Variants in SON observed in about 807,000 individuals in gnomAD.
SON encodes the protein protein SON.
SON carries 4 observed loss-of-function variants against 173.3 expected under a neutral mutation model. The ratio of observed to expected loss-of-function variants is 0.02; its 90% CI spans 0.01 to 0.05. The LOEUF is 0.05. SON is among the 10% of genes least tolerant of loss of function. The probability of loss-of-function intolerance (pLI) is 1.00; values close to 1 mark genes in which losing one functional copy is unlikely to be tolerated. For synonymous variants in SON, 1,190 were observed against 1,105.9 expected, an observed-to-expected ratio of 1.08 and a Z score of -1.51; for missense variants, 2,626 against 3,055.3, an observed-to-expected ratio of 0.86 and a Z score of 3.31.
intron 2 of SON, among the ~76,000 whole-genome samples, chr21:33,547,650 A>G (rs2085650859): frequency 6.6e-6 from 1 of 151,532 alleles, no homozygotes; most frequent in Non-Finnish European, 1.5e-5. Flanking sequence ...ATTAATAGAA[A>G]ATGGTAAGTT....
chr21:33,568,143 G>C (rs2086210428), intron 7 of SON, among the ~76,000 whole-genome samples: 3 of 152,182 alleles, frequency 2.0e-5, no homozygotes, highest in Admixed American at 2.0e-4. Context: ...AATGACAGCT[G>C]ATCTTTATCA....
In SON at chr21:33,559,523, A is replaced by G; in HGVS notation, c.6469-64A>G. The stretch of plus-strand genomic sequence containing the variant: ...ATCATTTCCTTCAGATTATGTAGAA[A>G]ATCTCAAACCATTTAATGTAGATAT... On this transcript the variant is annotated intron_variant, in intron 5 of 11. Coordinates refer to ENST00000356577, the MANE Select transcript of SON (RefSeq NM_138927.4). This position sits in a 1 kb window ranked among gnomAD's most constrained non-coding sequence, Gnocchi z 4.1. 3.3e-6 allele frequency: 5 copies of G among 1,505,072 alleles called. No homozygotes were observed. Among genetic ancestry groups the G allele is most frequent in the Non-Finnish European group, 4.5e-6 (5 of 1,113,236 alleles). 93.2% of individuals were successfully genotyped at this position (1,505,072 alleles called of 1,614,324 possible).
rs201414490 is a variant in SON, at chr21:33,551,851, C to G, written c.2620C>G (p.Gln874Glu). ...GTTAGCATCTGGCACTATGGACTCT[C>G]AAATGTTAGCTTCTGGCACCATGGA... ...QMLASGTMDS[Q>E]MLASGTMDAQ... Residue 874 changes from glutamine to glutamate, a missense_variant, in exon 3 of 12, where the codon CAA becomes GAA. Transcript: ENST00000356577. The G allele has an allele frequency of 1.9e-6, 3 of 1,613,976 alleles. No homozygotes were observed. Among genetic ancestry groups the G allele is most frequent in the Admixed American group, 1.7e-5 (1 of 60,030 alleles).
chr21:33,574,236 A>G (rs1452498720), intron 9 of SON, among the ~76,000 whole-genome samples: 1 of 152,238 alleles, frequency 6.6e-6, no homozygotes, highest in Non-Finnish European at 1.5e-5. Flanking sequence ...CCTCATTTAT[A>G]AAAGCTGACA....
intron 3 of SON, among the ~76,000 whole-genome samples, chr21:33,556,669 G>A (rs1266310801): frequency 6.6e-6 from 1 of 150,446 alleles, no homozygotes; most frequent in Non-Finnish European, 1.5e-5. Context: ...AGCCAAGATG[G>A]CGCCACTGCA....
intron 2 of SON, among the ~76,000 whole-genome samples, chr21:33,548,175 C>T (rs2085667859): frequency 6.6e-6 from 1 of 152,090 alleles, no homozygotes; most frequent in South Asian, 2.1e-4. Context: ...TAAATTCAAA[C>T]CTTCTTAAGT....
chr21:33,549,690 T>C lies in SON; in HGVS notation c.459T>C (p.Asp153=), dbSNP rs749469152. 2.3e-5 allele frequency: 37 copies of C among 1,612,524 alleles called. No individual in the cohort carries two copies. Among genetic ancestry groups the C allele is most frequent in the Non-Finnish European group, 3.0e-5 (35 of 1,179,640 alleles). ...ATGGGAACATAGATTTAGAATCTGA[T>C]TCCTTTTTAAAGTTTGATTCTGAAC... The part of the protein sequence containing the change: ...HDDGNIDLES[D]SFLKFDSEPS... Residue 153 remains aspartate, a synonymous_variant, in exon 3 of 12, where the codon GAT becomes GAC. Coordinates refer to ENST00000356577, the MANE Select transcript of SON (RefSeq NM_138927.4).
rs764463365 is a variant in SON at position 33,554,628 on chromosome 21, T to C, written c.5397T>C (p.Thr1799=). ...AAATTTTTGTAAAAGTTAAGGACAC[T>C]CACGAAAAAAGCAAGAAAAATAAGA... is the stretch of plus-strand genomic sequence containing the variant. ...DYEIFVKVKD[T]HEKSKKNKNR... Residue 1799 remains threonine, a synonymous_variant, in exon 3 of 12, where the codon ACT becomes ACC. Transcript: ENST00000356577. 3.5e-5 allele frequency: 56 copies of C among 1,612,738 alleles called. No individual in the cohort carries two copies. The highest frequency in any genetic ancestry group is 6.7e-5 in the Admixed American group (4 of 59,754).
chr21:33,550,281 T>C lies in SON; in HGVS notation c.1050T>C (p.Ile350=). ...PEQPVDVPSE[I]ADSSMTRPQE... is the part of the protein sequence containing the mutation. Reference sequence around the variant, plus strand: ...AGCCTGTAGACGTACCATCGGAGATTGCAGATTCATCCATGACAAGACCGC... The same window carrying C: ...AGCCTGTAGACGTACCATCGGAGATCGCAGATTCATCCATGACAAGACCGC... Residue 350 remains isoleucine (I), a synonymous_variant, in exon 3 of 12, where the codon ATT becomes ATC. Transcript: ENST00000356577. The C allele has an allele frequency of 1.9e-6, 3 of 1,613,884 alleles. No individual in the cohort carries two copies. Among genetic ancestry groups the C allele is most frequent in the Non-Finnish European group, 2.5e-6 (3 of 1,179,952 alleles).
In SON at chr21:33,557,243, C is replaced by T; in HGVS notation, c.6248C>T (p.Pro2083Leu). The change falls in exon 4 of 12, where the codon CCT becomes CTT. Residue 2083 changes from proline (P) to leucine (L), a missense_variant. Pro to Leu is a moderately conservative substitution (Grantham distance 98). This residue lies in a region of SON where 19 missense variants were observed against 16.8 expected (regional missense o/e 1.13). Coordinates refer to ENST00000356577, the MANE Select transcript of SON (RefSeq NM_138927.4). Reference sequence around the variant, plus strand: ...GTCCCTTTACCACCAAACCTAAAGCCTGCACCTCCACCTACTATAGAAGAG... The same window carrying T: ...GTCCCTTTACCACCAAACCTAAAGCTTGCACCTCCACCTACTATAGAAGAG... ...AGVPLPPNLK[P>L]APPPTIEEKV... 1 of 1,613,538 alleles carries T rather than the reference C, an allele frequency of 6.2e-7. No individual in the cohort carries two copies. Among genetic ancestry groups the T allele is most frequent in the Non-Finnish European group, 8.5e-7 (1 of 1,179,916 alleles).
At position 33,552,158 on chromosome 21, in the gene SON, C is replaced by G. The variant is rs1412726365; in HGVS notation, c.2927C>G (p.Ser976Cys). 1 of 1,614,032 alleles carries G rather than the reference C, an allele frequency of 6.2e-7. No homozygotes were observed. Among genetic ancestry groups the G allele is most frequent in the South Asian group, 1.1e-5 (1 of 91,074 alleles). Residue 976 changes from serine to cysteine, a missense_variant, in exon 3 of 12, where the codon TCC becomes TGC. This residue lies in a region of SON where 366 missense variants were observed against 448.6 expected (regional missense o/e 0.82). Coordinates refer to ENST00000356577, the MANE Select transcript of SON (RefSeq NM_138927.4). The surrounding 1 kb of genome is among the most constrained non-coding windows in gnomAD (Gnocchi z 5.6). The stretch of plus-strand genomic sequence containing the variant: ...AGACCCTACAGGATAGCACCCAGGT[C>G]CTATAGAATAGCACCCAGGCCATAT... ...SPRPYRIAPR[S>C]YRIAPRPYRL... is the part of the protein sequence containing the mutation.
rs766340218 is a variant in SON at position 33,549,971 on chromosome 21, C to T, written c.740C>T (p.Ala247Val). The T allele has an allele frequency of 1.1e-5, 17 of 1,614,036 alleles. No individual in the cohort carries two copies. In the East Asian group the frequency reaches 2.4e-4, roughly 23 times the overall value. Residue 247 changes from alanine (A) to valine (V), a missense_variant, in exon 3 of 12, where the codon GCA (alanine) becomes GTA (valine). By Grantham distance (64) the Ala-to-Val change is moderately conservative (BLOSUM62 0). Transcript: ENST00000356577. ...ACAAAGATTCTGGATTCCTTTGCAGCAGCACCAGTGCCTACTACAACACTG... is the reference window on the plus strand; with the variant it reads ...ACAAAGATTCTGGATTCCTTTGCAGTAGCACCAGTGCCTACTACAACACTG... ...SMTKILDSFAAAPVPTTTLVL... is the reference protein window; with the variant it reads ...SMTKILDSFAVAPVPTTTLVL...
chr21:33,550,192 A>G lies in SON; in HGVS notation c.961A>G (p.Ser321Gly). ...ACCTACTGAGGTGTACCCTGAGCCA[A>G]GCACATCAACAACAATGGATTTTCC... ...ETPTEVYPEP[S>G]TSTTMDFPES... is the part of the protein sequence containing the mutation. Residue 321 changes from serine (S) to glycine (G), a missense_variant, in exon 3 of 12, where the codon AGC becomes GGC. Around this residue, in one of 13 missense-constraint regions of SON, gnomAD observed 757 missense variants for 730.1 expected, o/e 1.04. Transcript: ENST00000356577. 6.2e-7 allele frequency: 1 copy of G among 1,614,254 alleles called. No individual in the cohort carries two copies. The highest frequency in any genetic ancestry group is 1.6e-4 in the Middle Eastern group (1 of 6,062).
chr21:33,556,761 AT>A (rs1268719021), intron 3 of SON, among the ~76,000 whole-genome samples: 1 of 151,132 alleles, frequency 6.6e-6, no homozygotes. Context: ...TCAAAGAGTG[AT>A]TTAAGGTGTC....
chr21:33,546,167 TG>T (rs765348954), intron 1 of SON, 45 bp from the exon 2 acceptor site: 36 of 1,488,980 alleles, frequency 2.4e-5, no homozygotes, highest in Non-Finnish European at 3.2e-5. Flanking sequence ...TTTTTATTAA[TG>T]GTATGATAAA....
chr21:33,564,449 A>G (rs141147938), intron 6 of SON, among the ~76,000 whole-genome samples: 1 of 152,326 alleles, frequency 6.6e-6, no homozygotes, highest in African/African-American at 2.4e-5. Context: ...GCCTCATTGT[A>G]TAACTTGAGT....
Position 33,554,052 on chromosome 21 carries a change from A to G in SON, c.4821A>G (p.Gly1607=). ...GPFALEPDAT[G]TSKGIEFTTA... is the part of the protein sequence containing the mutation. ...TTGCTCTGGAACCTGATGCAACAGG[A>G]ACTAGTAAGGGTATTGAATTTACCA... The change falls in exon 3 of 12, where the codon GGA becomes GGG. Residue 1607 remains glycine, a synonymous_variant. Transcript: ENST00000356577. 1.2e-6 allele frequency: 2 copies of G among 1,614,128 alleles called. No individual in the cohort carries two copies. Among genetic ancestry groups the G allele is most frequent in the Non-Finnish European group, 1.7e-6 (2 of 1,180,018 alleles).
rs2086386601 is a variant in SON at position 33,575,797 on chromosome 21, T to C, written c.7125T>C (p.Ala2375=). The change falls in exon 11 of 12, where the codon GCT becomes GCC. Residue 2375 remains alanine (A), a synonymous_variant. Coordinates refer to ENST00000356577, the MANE Select transcript of SON (RefSeq NM_138927.4). The part of the protein sequence containing the change: ...KDLSGKHPVS[A]LMEICNKRRW... The stretch of plus-strand genomic sequence containing the variant: ...CTGCAGGCAAACATCCTGTGTCTGC[T>C]TTGATGGAGATCTGTAATAAAAGAA... 6.2e-7 allele frequency: 1 copy of C among 1,610,570 alleles called. No homozygotes were observed.
intron 2 of SON, 144 bp from the exon 3 acceptor site, chr21:33,549,332 C>T: frequency 1.6e-6 from 1 of 608,528 alleles, no homozygotes; most frequent in African/African-American, 1.9e-5. Flanking sequence ...CTTGGCCTCT[C>T]AGAGTGCTAA....
Sources: gnomAD v4.1 joint callset for allele counts (sites outside exome capture counted in the v4.1 genomes callset) on GRCh38, gnomAD v4.1.1 for gene constraint, gnomAD v4.1.1 regional missense constraint, Gnocchi (gnomAD v3.1) non-coding constraint, MANE v1.5 for transcripts, NCBI Gene and HGNC (gene_info 2026-07-23, HGNC 2026-07-21) for gene names.